Variants in AAGAB observed in about 807,000 individuals in gnomAD.
AAGAB encodes alpha and gamma adaptin binding protein, also known as alpha- and gamma-adaptin-binding protein p34.
In AAGAB, 38 loss-of-function variants were observed where a neutral mutation model predicts 44.1. The ratio of observed to expected loss-of-function variants is 0.86; its 90% CI spans 0.67 to 1.13. The LOEUF (loss-of-function observed/expected upper bound fraction) is 1.13, where lower values mean the gene tolerates loss of function less well. Among genes scored for constraint, AAGAB ranks in the 50% most tolerant of loss-of-function variants. The pLI, the probability that AAGAB is intolerant of heterozygous loss-of-function variation, is 0.00. For missense variants in AAGAB, 450 were observed against 373.8 expected, an observed-to-expected ratio of 1.20 and a Z score of -1.68; for synonymous variants, 131 against 131.8, an observed-to-expected ratio of 0.99 and a Z score of 0.04.
At chr15:67,227,963 C>T (rs905020577) in intron 5 of AAGAB, among the ~76,000 whole-genome samples, 2 of 152,038 alleles carry the variant, frequency 1.3e-5, no homozygotes, top group African/African-American at 2.4e-5. Flanking sequence ...AAAAAGAAAG[C>T]GAGGAAACCT....
intron 1 of AAGAB, among the ~76,000 whole-genome samples, chr15:67,240,723 CCTATAATCTCATATGG>C (rs1194819582): frequency 1.3e-5 from 2 of 152,130 alleles, no homozygotes; most frequent in Non-Finnish European, 2.9e-5. Flanking sequence ...ACTTCTTTTC[CCTATAATCTCATATGG>C]TAAGTTACAG....
intron 5 of AAGAB, among the ~76,000 whole-genome samples, chr15:67,222,020 CA>C (rs1964076059): frequency 6.6e-6 from 1 of 152,026 alleles, no homozygotes; most frequent in Non-Finnish European, 1.5e-5. Context: ...TACCTTAACC[CA>C]ATTATCCTTC....
rs1175445201 is a variant in AAGAB, at chr15:67,236,293, A to G, written c.361+115T>C. 7 of 1,075,020 alleles carry G rather than the reference A, an allele frequency of 6.5e-6. No individual in the cohort carries two copies. The East Asian group carries it at 1.7e-4, about 26-fold the overall frequency. The allele number at this position is 1,075,020 out of a possible 1,614,324, so 66.6% of individuals were successfully genotyped here. A position where few individuals can be genotyped will look rare whatever the true frequency, so the allele number is the denominator to read the frequency against. ...AAGAAAAATAGCTGAAAATATTTTC[A>G]TAAAGCCATAAAGTCACATGGGATG... On this transcript the variant is annotated intron_variant, in intron 3 of 9. Transcript: ENST00000261880.
intron 5 of AAGAB, among the ~76,000 whole-genome samples, chr15:67,229,171 C>T (rs1025163370): frequency 2.0e-5 from 3 of 152,156 alleles, no homozygotes; most frequent in Admixed American, 1.3e-4. Context: ...GGGTGGCTCA[C>T]GCCTGTAATC....
intron 5 of AAGAB, among the ~76,000 whole-genome samples, chr15:67,222,098 T>C (rs74020130): frequency 0.011 from 1,745 of 152,296 alleles, 38 homozygotes; most frequent in African/African-American, 0.04. Context: ...CACTCTCCTC[T>C]TTTTAGCTTA....
At chr15:67,207,183 C>A (rs1397948719) in intron 7 of AAGAB, among the ~76,000 whole-genome samples, 4 of 152,180 alleles carry the variant, frequency 2.6e-5, no homozygotes, top group African/African-American at 9.7e-5. Flanking sequence ...GAGCGAAACT[C>A]CATCTCAAAC....
chr15:67,236,217 C>A, intron 3 of AAGAB, 149 bp from the exon 4 acceptor site: 1 of 836,486 alleles, frequency 1.2e-6, no homozygotes, highest in Non-Finnish European at 1.8e-6. Context: ...AATGACTTCT[C>A]AGCCCCGAAG....
chr15:67,254,798 G>A (rs558335276), upstream of AAGAB: 131 of 1,399,362 alleles, frequency 9.4e-5, no homozygotes, highest in South Asian at 1.5e-3. Context: ...AACAGGCCAG[G>A]TCGCGCGCGG....
intron 1 of AAGAB, among the ~76,000 whole-genome samples, chr15:67,237,398 A>G (rs1964496062): frequency 6.6e-6 from 1 of 152,248 alleles, no homozygotes; most frequent in African/African-American, 2.4e-5. Flanking sequence ...ATTCTTTGAA[A>G]GCCAACCTAA....
chr15:67,217,540 T>C (rs1963978478), intron 5 of AAGAB, among the ~76,000 whole-genome samples: 3 of 152,200 alleles, frequency 2.0e-5, no homozygotes, highest in African/African-American at 7.2e-5. Context: ...GGTACACATT[T>C]CTTTTTTTAT....
chr15:67,249,335 A>C (rs1170302076), intron 1 of AAGAB, among the ~76,000 whole-genome samples: 1 of 152,130 alleles, frequency 6.6e-6, no homozygotes, highest in African/African-American at 2.4e-5. Flanking sequence ...ATGCCTGGCC[A>C]ATAACACAGA....
intron 5 of AAGAB, among the ~76,000 whole-genome samples, chr15:67,216,077 T>C (rs868438486): frequency 1.3e-5 from 2 of 152,144 alleles, no homozygotes; most frequent in South Asian, 4.1e-4. Context: ...ATAATAATAC[T>C]ATTTTTTCTC....
At chr15:67,237,562 G>A (rs1281930033) in intron 1 of AAGAB, among the ~76,000 whole-genome samples, 1 of 152,158 alleles carries the variant, frequency 6.6e-6, no homozygotes, top group Admixed American at 6.5e-5. Flanking sequence ...CAAGTCAATG[G>A]TGAACAAATG....
chr15:67,243,218 C>A, intron 1 of AAGAB, among the ~76,000 whole-genome samples: 1 of 151,840 alleles, frequency 6.6e-6, no homozygotes, highest in Non-Finnish European at 1.5e-5. Flanking sequence ...CAGACACACA[C>A]ACAAGAACAT....
At chr15:67,217,102 A>C (rs1963969055) in intron 5 of AAGAB, among the ~76,000 whole-genome samples, 1 of 152,198 alleles carries the variant, frequency 6.6e-6, no homozygotes, top group African/African-American at 2.4e-5. Flanking sequence ...ATATTTATTT[A>C]ATTTTTGACC....
At chr15:67,246,740 T>G (rs1387983898) in intron 1 of AAGAB, among the ~76,000 whole-genome samples, 1 of 151,064 alleles carries the variant, frequency 6.6e-6, no homozygotes. Context: ...ACTCTGTGTC[T>G]AGCTAAAGGA....
At chr15:67,213,964 T>G (rs1963883109) in intron 5 of AAGAB, among the ~76,000 whole-genome samples, 1 of 152,210 alleles carries the variant, frequency 6.6e-6, no homozygotes, top group African/African-American at 2.4e-5. Context: ...GAACAAACTA[T>G]AACTGAGAGA....
At chr15:67,254,872 G>A (rs370216523), upstream of AAGAB, 6 of 1,611,550 alleles carry the variant, frequency 3.7e-6, no homozygotes, top group Non-Finnish European at 5.1e-6. Context: ...CGCCTCCGCG[G>A]AGGTAGCCGT....
intron 1 of AAGAB, among the ~76,000 whole-genome samples, chr15:67,247,227 C>T (rs950263603): frequency 5.3e-5 from 8 of 152,308 alleles, no homozygotes; most frequent in East Asian, 1.9e-4. Context: ...CGAGGGTTCA[C>T]GGCTTCATTC....
Sources: allele counts gnomAD v4.1 joint callset (sites outside exome capture counted in the v4.1 genomes callset), GRCh38; gene constraint gnomAD v4.1.1; transcripts MANE v1.5; gene names NCBI Gene and HGNC (gene_info 2026-07-23, HGNC 2026-07-21).